The following SCML4 variants were observed in gnomAD, a reference collection of about 807,000 sequenced individuals.
SCML4 encodes the protein sex comb on midleg-like protein 4.
SCML4 carries 34 observed loss-of-function variants against 41.1 expected under a neutral mutation model. The ratio of observed to expected loss-of-function variants is 0.83; its 90% CI spans 0.63 to 1.10. The LOEUF (loss-of-function observed/expected upper bound fraction) is 1.10. SCML4 is among the 50% of genes least tolerant of loss of function. The pLI, the probability that SCML4 is intolerant of heterozygous loss-of-function variation, is 0.00. For synonymous variants in SCML4, 214 were observed against 220.9 expected (o/e 0.97, Z 0.28); for missense variants, 522 against 534.1 (o/e 0.98, Z 0.22).
Position 107,714,971 on chromosome 6 carries a change from C to CT in SCML4, c.973+5731_973+5732insA, listed in dbSNP as rs1202881669. ...GGTTTCCCTGGTGTCCCTGCACAAA[C>CT]CCTTTATTTTTTTTTTTTTTTGAGA... On this transcript the variant is annotated intron_variant, in intron 6 of 7. Transcript: ENST00000369020. Among the ~76,000 whole-genome samples the CT allele has an allele frequency of 6.1e-3, 589 of 95,908 alleles. 30 individuals are homozygous for CT. The highest frequency in any genetic ancestry group is 0.017 in the African/African-American group (507 of 30,684). The allele number at this position is 95,908 out of a possible 152,430, so 62.9% of individuals were successfully genotyped here.
chr6:107,822,857 G>C (rs1402769291), intron 1 of SCML4, among the ~76,000 whole-genome samples: 1 of 152,046 alleles, frequency 6.6e-6, no homozygotes, highest in Non-Finnish European at 1.5e-5. Flanking sequence ...TCACCCAGCT[G>C]CTGTTGCTCA....
At chr6:107,785,017 A>G (rs1182836647) in intron 1 of SCML4, among the ~76,000 whole-genome samples, 1 of 152,252 alleles carries the variant, frequency 6.6e-6, no homozygotes, top group African/African-American at 2.4e-5. Flanking sequence ...TAGCTGAGAC[A>G]GAGACAAGTC....
At chr6:107,794,763 T>C (rs183323044) in intron 1 of SCML4, among the ~76,000 whole-genome samples, 88 of 152,258 alleles carry the variant, frequency 5.8e-4, no homozygotes, top group Non-Finnish European at 1.1e-3. Context: ...AACAACAAAA[T>C]TTATTTTCTA....
At chr6:107,826,790 G>A (rs1282954700), upstream of SCML4, among the ~76,000 whole-genome samples, 9 of 152,216 alleles carry the variant, frequency 5.9e-5, no homozygotes, top group Non-Finnish European at 1.0e-4. Context: ...TTGCTTGGGC[G>A]CGGTGGCTCA....
chr6:107,816,489 C>T (rs946144423), intron 1 of SCML4, among the ~76,000 whole-genome samples: 7 of 152,158 alleles, frequency 4.6e-5, no homozygotes, highest in South Asian at 2.1e-4. Context: ...GGAATCCGTG[C>T]GGTTCCATTT....
chr6:107,844,935 T>TAAA, the SCML4 span, among the ~76,000 whole-genome samples: 27 of 141,716 alleles, frequency 1.9e-4, no homozygotes, highest in African/African-American at 7.1e-4. Context: ...ATATGTATAT[T>TAAA]AAAAAAAAAA....
intron 5 of SCML4, among the ~76,000 whole-genome samples, chr6:107,741,265 A>C (rs1348917690): frequency 6.6e-6 from 1 of 152,180 alleles, no homozygotes; most frequent in African/African-American, 2.4e-5. Flanking sequence ...CTCTGAGCAG[A>C]GGGTAAGAGA....
chr6:107,773,608 A>T (rs1780688261), intron 1 of SCML4, among the ~76,000 whole-genome samples: 1 of 151,794 alleles, frequency 6.6e-6, no homozygotes, highest in South Asian at 2.1e-4. Flanking sequence ...AAAAAAAAAA[A>T]AAAAGAATAA....
chr6:107,771,807 A>C (rs888236260), intron 2 of SCML4, among the ~76,000 whole-genome samples: 1 of 152,194 alleles, frequency 6.6e-6, no homozygotes, highest in African/African-American at 2.4e-5. Flanking sequence ...TGAGTTCTGG[A>C]AAGTGGCTTC....
chr6:107,809,527 G>T (rs1784002021), intron 1 of SCML4, among the ~76,000 whole-genome samples: 1 of 152,208 alleles, frequency 6.6e-6, no homozygotes, highest in Non-Finnish European at 1.5e-5. Flanking sequence ...GGAGAATGCA[G>T]AAAACTTTTT....
upstream of SCML4, among the ~76,000 whole-genome samples, chr6:107,827,157 A>C (rs2114330570): frequency 6.8e-6 from 1 of 147,944 alleles, no homozygotes; most frequent in East Asian, 1.9e-4. Context: ...ATATTTAATA[A>C]ATTATTCATT....
intron 7 of SCML4, among the ~76,000 whole-genome samples, chr6:107,706,582 C>T (rs1773652520): frequency 6.6e-6 from 1 of 152,194 alleles, no homozygotes; most frequent in Non-Finnish European, 1.5e-5. Context: ...AGTCCCCAAA[C>T]CTGTGAATGT....
At chr6:107,742,080 G>C (rs1777642655) in intron 5 of SCML4, among the ~76,000 whole-genome samples, 1 of 151,734 alleles carries the variant, frequency 6.6e-6, no homozygotes, top group East Asian at 1.9e-4. Flanking sequence ...ATTTAACAAA[G>C]AGATTGAAAT....
At chr6:107,746,396 A>G in intron 4 of SCML4, 1 of 392,410 alleles carries the variant, frequency 2.5e-6, no homozygotes, top group Non-Finnish European at 4.5e-6. Context: ...GATTCTGGAT[A>G]TATTTTGAAG....
chr6:107,841,784 G>C, the SCML4 span, among the ~76,000 whole-genome samples: 6 of 152,106 alleles, frequency 3.9e-5, no homozygotes, highest in Non-Finnish European at 7.4e-5. Flanking sequence ...GGTTAGGAGA[G>C]GGCCCACACC....
intron 7 of SCML4, among the ~76,000 whole-genome samples, chr6:107,707,269 C>T (rs1773739237): frequency 6.6e-6 from 1 of 152,198 alleles, no homozygotes; most frequent in Admixed American, 6.5e-5. Context: ...GATCGCACTA[C>T]TGCATTCCAG....
chr6:107,768,076 C>G (rs940289814), intron 2 of SCML4, among the ~76,000 whole-genome samples: 4 of 146,614 alleles, frequency 2.7e-5, no homozygotes, highest in African/African-American at 1.0e-4. Context: ...GCCTGGGGAA[C>G]TCGGTGAGAC....
At chr6:107,808,418 TTTTTTGTTTTTG>T (rs61157013) in intron 1 of SCML4, among the ~76,000 whole-genome samples, 25 of 151,610 alleles carry the variant, frequency 1.6e-4, no homozygotes, top group Non-Finnish European at 3.2e-4. Flanking sequence ...TGCTGGTTTG[TTTTTTGTTTTTG>T]TTTTTGTTTT....
rs975307293 is a variant in SCML4, at chr6:107,813,089, A to G, written c.-60+11037T>C. Among the ~76,000 whole-genome samples, 3 of 152,030 alleles carry G rather than the reference A, an allele frequency of 2.0e-5. No individual in the cohort carries two copies. In the South Asian group the frequency reaches 6.2e-4, roughly 32 times the overall value. On this transcript the variant is annotated intron_variant, in intron 1 of 7. Transcript: ENST00000369020. ...TTAAAAATATAAATATAGGCTGGGC[A>G]TGGTGGCTCATGCTTATAGTCCCAG...
Sources: gnomAD v4.1 joint callset for allele counts (sites outside exome capture counted in the v4.1 genomes callset) on GRCh38, gnomAD v4.1.1 for gene constraint, MANE v1.5 for transcripts, NCBI Gene and HGNC (gene_info 2026-07-23, HGNC 2026-07-21) for gene names.